The following CABIN1 variants were observed in gnomAD, a reference collection of about 807,000 sequenced individuals.
CABIN1 encodes calcineurin binding protein 1.
CABIN1 carries 133 observed loss-of-function variants against 227.7 expected under a neutral mutation model. The ratio of observed to expected loss-of-function variants is 0.58; its 90% CI spans 0.51 to 0.67. The LOEUF is 0.67. Among genes scored for constraint, CABIN1 ranks in the 30% least tolerant of loss-of-function variants. CABIN1 has a pLI of 0.00. For missense variants in CABIN1, 2,408 were observed against 2,852.5 expected (o/e 0.84, Z 3.55); for synonymous variants, 1,086 against 1,155.1 (o/e 0.94, Z 1.21).
chr22:24,040,773 C>A lies in CABIN1; in HGVS notation c.211-366C>A, dbSNP rs116054830. On this transcript the variant is annotated intron_variant, in intron 4 of 36. Transcript: ENST00000263119. Reference sequence around the variant, plus strand: ...TCTAGGCCTTCTGCCCCCAGGCAGCCTGCTGATACTTTGTCTTTTATCTTA... The same window carrying A: ...TCTAGGCCTTCTGCCCCCAGGCAGCATGCTGATACTTTGTCTTTTATCTTA... Among the ~76,000 whole-genome samples the A allele has an allele frequency of 9.6e-3, 1,458 of 152,342 alleles. 28 individuals are homozygous for A. The highest frequency in any genetic ancestry group is 0.033 in the African/African-American group (1,371 of 41,566).
chr22:24,168,438 C>A lies in CABIN1; in HGVS notation c.5683-9C>A. ...TGCGCCCCCTGACTTCCAGCATCTC[C>A]CTGTTAAGGTGGATGAGGAGGCTGC... is the stretch of plus-strand genomic sequence containing the variant. On this transcript the variant is annotated splice_polypyrimidine_tract_variant and intron_variant, in intron 32 of 36. Transcript: ENST00000263119. The A allele has an allele frequency of 6.4e-7, 1 of 1,567,424 alleles. No homozygotes were observed. The highest frequency in any genetic ancestry group is 1.4e-5 in the African/African-American group (1 of 73,824).
intron 28 of CABIN1, among the ~76,000 whole-genome samples, chr22:24,129,075 CT>C (rs1274259909): frequency 6.6e-6 from 1 of 152,204 alleles, no homozygotes; most frequent in African/African-American, 2.4e-5. Context: ...CAGATGGCAC[CT>C]GGGATCAGGT....
chr22:24,127,782 T>C (rs896170657), intron 28 of CABIN1, among the ~76,000 whole-genome samples: 3 of 152,026 alleles, frequency 2.0e-5, no homozygotes, highest in African/African-American at 7.3e-5. Flanking sequence ...GTGAGAAAGT[T>C]TGCACATCTA....
At chr22:24,037,325 T>C (rs1601719657) in intron 3 of CABIN1, among the ~76,000 whole-genome samples, 1 of 149,786 alleles carries the variant, frequency 6.7e-6, no homozygotes, top group Non-Finnish European at 1.5e-5. Flanking sequence ...ATTTAAGAGA[T>C]AGGGTCTCAC....
At chr22:24,105,069 C>A (rs2147587825) in intron 26 of CABIN1, among the ~76,000 whole-genome samples, 1 of 152,246 alleles carries the variant, frequency 6.6e-6, no homozygotes, top group South Asian at 2.1e-4. Flanking sequence ...CCTGAGAATC[C>A]TGGGATTGTC....
intron 5 of CABIN1, among the ~76,000 whole-genome samples, chr22:24,041,633 A>G (rs146540939): frequency 1.3e-5 from 2 of 152,376 alleles, no homozygotes; most frequent in African/African-American, 2.4e-5. Context: ...ATGAGTTGGT[A>G]TGCATAATAG....
At chr22:24,052,920 T>C (rs1385832221) in intron 8 of CABIN1, among the ~76,000 whole-genome samples, 8 of 152,066 alleles carry the variant, frequency 5.3e-5, no homozygotes, top group Admixed American at 2.6e-4. Flanking sequence ...TTTAAGGCAT[T>C]TGACACAACC....
At chr22:24,108,748 C>G (rs1284710831) in intron 26 of CABIN1, among the ~76,000 whole-genome samples, 1 of 152,178 alleles carries the variant, frequency 6.6e-6, no homozygotes, top group Non-Finnish European at 1.5e-5. Context: ...GAGCACAGAC[C>G]TGATCCTCAG....
intron 3 of CABIN1, among the ~76,000 whole-genome samples, chr22:24,037,443 A>G (rs1344845231): frequency 6.6e-6 from 1 of 151,826 alleles, no homozygotes; most frequent in African/African-American, 2.4e-5. Context: ...GTTTAGGACT[A>G]CAGACACCAG....
chr22:24,096,171 T>G, intron 25 of CABIN1, 89 bp downstream of exon 25: 1 of 1,452,800 alleles, frequency 6.9e-7, no homozygotes, highest in Non-Finnish European at 9.6e-7. Flanking sequence ...TTCAGAGGGT[T>G]GCTACACAGT....
In CABIN1 at chr22:24,024,347, G is replaced by A. The variant is rs185177364; in HGVS notation, c.-74-11097G>A. ...TTTTCCTTTTGTTTCCTGTGCTTTT[G>A]GTGTCATGCTTAAGAGGCTATTGCC... On this transcript the variant is annotated intron_variant, in intron 1 of 36. Transcript: ENST00000263119. Among the ~76,000 whole-genome samples the A allele has an allele frequency of 2.9e-3, 445 of 152,120 alleles. 8 individuals carry two copies. Among genetic ancestry groups the A allele is most frequent in the Middle Eastern group, 0.014 (4 of 294 alleles).
chr22:24,176,168 G>A lies in CABIN1; in HGVS notation c.6098G>A (p.Arg2033Gln), dbSNP rs766299654. The change falls in exon 35 of 37, where the codon CGG becomes CAG. Residue 2033 changes from arginine to glutamine, a missense_variant. Transcript: ENST00000263119. ...ACCAGCTTCCCGCCTCAGGAGCCAC[G>A]GCACAGTCCGCAGGTGAAGATGGCC... is the stretch of plus-strand genomic sequence containing the variant. The part of the protein sequence containing the change: ...EGTSFPPQEP[R>Q]HSPQVKMAPT... The A allele has an allele frequency of 3.9e-5, 63 of 1,610,880 alleles. No homozygotes were observed. The highest frequency in any genetic ancestry group is 3.3e-4 in the African/African-American group (25 of 74,902).
rs1291255284 is a variant in CABIN1, at chr22:24,168,519, C to G, written c.5755C>G (p.Gln1919Glu). 6.4e-7 allele frequency: 1 copy of G among 1,555,320 alleles called. No homozygotes were observed. Among genetic ancestry groups the G allele is most frequent in the Non-Finnish European group, 8.7e-7 (1 of 1,149,190 alleles). Residue 1919 changes from glutamine to glutamate, a missense_variant and splice_region_variant, in exon 33 of 37, where the codon CAG becomes GAG. Coordinates refer to ENST00000263119, the MANE Select transcript of CABIN1 (RefSeq NM_012295.4). ...QVHLGAAAQR[Q>E]ASGDTPTTPK... ...CCATCTTGGGGCTGCCGCCCAGAGA[C>G]AGGTAAGCCCAATTTAGCCTGTGCC...
At chr22:24,119,326 T>C (rs1441001199) in intron 27 of CABIN1, 41 bp from the exon 28 acceptor site, 3 of 1,579,734 alleles carry the variant, frequency 1.9e-6, no homozygotes, top group Non-Finnish European at 2.6e-6. Flanking sequence ...GGACAGGGCC[T>C]AAAACCAGGG....
intron 26 of CABIN1, among the ~76,000 whole-genome samples, chr22:24,104,458 A>G (rs2042393692): frequency 6.6e-6 from 1 of 152,202 alleles, no homozygotes; most frequent in Admixed American, 6.5e-5. Context: ...GTGTCTACAC[A>G]TATCAGGCTT....
intron 28 of CABIN1, among the ~76,000 whole-genome samples, chr22:24,127,687 T>C (rs1398084870): frequency 6.6e-6 from 1 of 151,776 alleles, no homozygotes; most frequent in Non-Finnish European, 1.5e-5. Flanking sequence ...ACCTGTGGGG[T>C]GTGAAGGAAA....
At chr22:24,129,255 G>C (rs892669321) in intron 28 of CABIN1, among the ~76,000 whole-genome samples, 1 of 152,220 alleles carries the variant, frequency 6.6e-6, no homozygotes, top group Non-Finnish European at 1.5e-5. Flanking sequence ...TTTGCTTCCT[G>C]TGTGAAGAGA....
At chr22:24,070,714 GT>G (rs2040022009) in intron 16 of CABIN1, 85 bp from the exon 17 acceptor site, 1 of 1,596,062 alleles carries the variant, frequency 6.3e-7, no homozygotes, top group Non-Finnish European at 8.6e-7. Flanking sequence ...CCCCTCATCT[GT>G]TTTCCTTCAG....
intron 28 of CABIN1, 61 bp downstream of exon 28, chr22:24,119,759 G>A: frequency 6.8e-7 from 1 of 1,476,176 alleles, no homozygotes. Flanking sequence ...CATCTTTGAA[G>A]GTTGGTGGGC....
Sources: allele counts gnomAD v4.1 joint callset (sites outside exome capture counted in the v4.1 genomes callset), GRCh38; gene constraint gnomAD v4.1.1; transcripts MANE v1.5; gene names NCBI Gene and HGNC (gene_info 2026-07-23, HGNC 2026-07-21).